MASP1: variants seen among roughly 807,000 people sequenced by gnomAD.
MASP1 encodes the protein MBL associated serine protease 1, also known as mannan-binding lectin serine protease 1.
A neutral mutation model predicts 77.1 loss-of-function variants in MASP1; 59 were observed. The ratio of observed to expected loss-of-function variants is 0.77; its 90% CI spans 0.62 to 0.95. MASP1 has a LOEUF of 0.95. MASP1 is among the 40% of genes least tolerant of loss of function. The pLI is 0.00. For synonymous variants in MASP1, 362 were observed against 354.5 expected, an observed-to-expected ratio of 1.02 and a Z score of -0.24; for missense variants, 885 against 912.9, an observed-to-expected ratio of 0.97 and a Z score of 0.39.
downstream of MASP1, among the ~76,000 whole-genome samples, chr3:187,230,431 C>T (rs571311156): frequency 6.6e-6 from 1 of 152,188 alleles, no homozygotes; most frequent in Non-Finnish European, 1.5e-5. Flanking sequence ...TATGTGAAGC[C>T]TTTTGGTACA....
chr3:187,256,440 C>T, intron 5 of MASP1: 1 of 591,170 alleles, frequency 1.7e-6, no homozygotes, highest in East Asian at 3.0e-5. Context: ...CACGACTCTC[C>T]TCCTCAAGCC....
At chr3:187,223,203 G>A in intron 13 of MASP1, 6 of 1,613,270 alleles carry the variant, frequency 3.7e-6, no homozygotes, top group Non-Finnish European at 5.1e-6. Flanking sequence ...TCCTGGAGGA[G>A]AGAAGATACT....
intron 1 of MASP1, among the ~76,000 whole-genome samples, chr3:187,288,428 C>T (rs1193707372): frequency 6.6e-6 from 1 of 152,212 alleles, no homozygotes; most frequent in African/African-American, 2.4e-5. Context: ...GTCAAAAGAG[C>T]TAGATTCAGC....
intron 8 of MASP1, chr3:187,247,227 G>C (rs1166528194): frequency 6.2e-7 from 1 of 1,600,158 alleles, no homozygotes; most frequent in East Asian, 2.2e-5. Context: ...CACATGGAAA[G>C]GGGCACGGGG....
At position 187,248,489 on chromosome 3, in the gene MASP1, T is replaced by C. The variant is rs9873628; in HGVS notation, c.1090+1762A>G. On this transcript the variant is annotated intron_variant, in intron 8 of 10. Transcript: ENST00000296280. ...GACTGTCAGCTTGTAGAGTCTGCATTTGTATCTAGAACTTCCTAATTCCAA... is the reference window on the plus strand; with the variant it reads ...GACTGTCAGCTTGTAGAGTCTGCATCTGTATCTAGAACTTCCTAATTCCAA... 6.8e-3 allele frequency among the ~76,000 whole-genome samples: 1,034 copies of C among 152,314 alleles called. 16 individuals carry two copies. The highest frequency in any genetic ancestry group is 0.024 in the African/African-American group (999 of 41,558).
At chr3:187,228,645 T>C (rs917627857) in intron 11 of MASP1, among the ~76,000 whole-genome samples, 1 of 152,150 alleles carries the variant, frequency 6.6e-6, no homozygotes, top group Admixed American at 6.5e-5. Flanking sequence ...TCCATTGTTG[T>C]CTTTCTAATT....
chr3:187,265,500 A>T (rs951541164), intron 2 of MASP1, among the ~76,000 whole-genome samples: 12 of 152,274 alleles, frequency 7.9e-5, no homozygotes, highest in African/African-American at 2.4e-4. Flanking sequence ...GCTGAGGCCC[A>T]TGGGAAAATT....
intron 2 of MASP1, among the ~76,000 whole-genome samples, chr3:187,266,393 G>T (rs1158732953): frequency 6.6e-6 from 1 of 152,168 alleles, no homozygotes; most frequent in African/African-American, 2.4e-5. Flanking sequence ...GTACTCAAAG[G>T]TATATGTGTT....
chr3:187,257,363 C>CTTATTTTATTTTATT (rs150478704), intron 4 of MASP1, among the ~76,000 whole-genome samples: 9 of 151,680 alleles, frequency 5.9e-5, no homozygotes, highest in African/African-American at 1.9e-4. Flanking sequence ...TTCCTTCTTA[C>CTTATTTTATTTTATT]TTATTTTATT....
At chr3:187,232,816 C>T (rs192279757), downstream of MASP1, among the ~76,000 whole-genome samples, 22 of 152,274 alleles carry the variant, frequency 1.4e-4, no homozygotes, top group Admixed American at 4.6e-4. Context: ...ACATGAGACA[C>T]GATAGTCCTT....
chr3:187,291,601 C>T (rs747624095), intron 1 of MASP1, 27 bp downstream of exon 1: 16 of 1,614,178 alleles, frequency 9.9e-6, no homozygotes, highest in East Asian at 4.5e-5. Flanking sequence ...AAAAGGGAAC[C>T]GTGCCCTCTC....
At chr3:187,252,949 A>G (rs1421860901) in intron 6 of MASP1, among the ~76,000 whole-genome samples, 3 of 152,208 alleles carry the variant, frequency 2.0e-5, no homozygotes, top group Non-Finnish European at 2.9e-5. Flanking sequence ...TTTGAAAACC[A>G]TCAGTCTAGT....
intron 2 of MASP1, 27 bp downstream of exon 2, chr3:187,285,798 C>T (rs753819639): frequency 4.5e-6 from 7 of 1,564,516 alleles, no homozygotes; most frequent in Admixed American, 1.7e-5. Flanking sequence ...AGAGCCTGGC[C>T]CAGTTAGGGG....
At chr3:187,224,421 A>AC (rs1712266980) in intron 13 of MASP1, among the ~76,000 whole-genome samples, 1 of 137,172 alleles carries the variant, frequency 7.3e-6, no homozygotes. Context: ...ATCTCGGCTC[A>AC]CTGCAAGCTC....
chr3:187,261,461 A>G (rs2108562294), intron 3 of MASP1, among the ~76,000 whole-genome samples: 1 of 152,368 alleles, frequency 6.6e-6, no homozygotes, highest in African/African-American at 2.4e-5. Flanking sequence ...GCCAACAAGC[A>G]CATGAAAAGA....
chr3:187,231,066 C>G (rs1186706435), downstream of MASP1, among the ~76,000 whole-genome samples: 1 of 152,254 alleles, frequency 6.6e-6, no homozygotes, highest in Non-Finnish European at 1.5e-5. Context: ...CTTCCCCAAG[C>G]TAATGCCCTG....
intron 9 of MASP1, 194 bp downstream of exon 9, chr3:187,243,290 A>C: frequency 6.2e-6 from 4 of 641,788 alleles, no homozygotes; most frequent in South Asian, 1.9e-5. Flanking sequence ...CTGTTTCTGC[A>C]TCTCCACATG....
At chr3:187,280,761 T>G (rs1455901007) in intron 2 of MASP1, among the ~76,000 whole-genome samples, 1 of 152,212 alleles carries the variant, frequency 6.6e-6, no homozygotes, top group Non-Finnish European at 1.5e-5. Flanking sequence ...AATAATTCTG[T>G]TAAATAAATA....
Position 187,220,262 on chromosome 3 carries a change from C to G in MASP1, c.1910-1G>C. 6.2e-7 allele frequency: 1 copy of G among 1,613,868 alleles called. No homozygotes were observed. The highest frequency in any genetic ancestry group is 8.5e-7 in the Non-Finnish European group (1 of 1,179,890). On this transcript the variant is annotated splice_acceptor_variant, in intron 15 of 15. Coordinates refer to the MASP1 transcript ENST00000337774. LOFTEE classifies it high-confidence loss of function. Reference sequence around the variant, plus strand: ...TCACCCGCACAGGCGTCCTTTCCCCCTAGGTGAAAAAGAGACATAGATGAA... The same window carrying G: ...TCACCCGCACAGGCGTCCTTTCCCCGTAGGTGAAAAAGAGACATAGATGAA...
Sources: gnomAD v4.1 joint callset for allele counts (sites outside exome capture counted in the v4.1 genomes callset) on GRCh38, gnomAD v4.1.1 for gene constraint, MANE v1.5 for transcripts, NCBI Gene and HGNC (gene_info 2026-07-23, HGNC 2026-07-21) for gene names.